The following PACS1 variants were observed in gnomAD, a reference collection of about 807,000 sequenced individuals.
PACS1 encodes phosphofurin acidic cluster sorting protein 1.
PACS1 carries 24 observed loss-of-function variants against 115.0 expected under a neutral mutation model. The observed-to-expected ratio is 0.21, with a 90% confidence interval of 0.15 to 0.29. PACS1 has a LOEUF of 0.29. Ranked by LOEUF, PACS1 falls within the 10% of genes least tolerant of loss-of-function variation. The probability of loss-of-function intolerance (pLI) is 1.00; values close to 1 mark genes in which losing one functional copy is unlikely to be tolerated. For synonymous variants in PACS1, 453 were observed against 504.5 expected, an observed-to-expected ratio of 0.90 and a Z score of 1.37; for missense variants, 838 against 1,251.2, an observed-to-expected ratio of 0.67 and a Z score of 4.98.
intron 1 of PACS1, chr11:66,120,924 T>G: frequency 4.6e-6 from 2 of 437,272 alleles, no homozygotes; most frequent in South Asian, 3.1e-5. Context: ...CCCAGCCCTG[T>G]GCTTCCACAG....
intron 4 of PACS1, 49 bp downstream of exon 4, chr11:66,211,308 C>G: frequency 1.9e-6 from 3 of 1,601,114 alleles, no homozygotes; most frequent in Non-Finnish European, 2.6e-6. Flanking sequence ...TCACAGAGCC[C>G]AAGGGACACC....
chr11:66,239,416 A>G (rs1221514454), intron 21 of PACS1, 139 bp downstream of exon 21: 3 of 1,001,186 alleles, frequency 3.0e-6, no homozygotes, highest in East Asian at 2.8e-5. Context: ...CTAGCTACTC[A>G]GGCTGAGGCA....
At chr11:66,134,898 T>G (rs1425593130) in intron 1 of PACS1, among the ~76,000 whole-genome samples, 1 of 152,174 alleles carries the variant, frequency 6.6e-6, no homozygotes, top group Non-Finnish European at 1.5e-5. Context: ...TCCTTATTTA[T>G]TGCTCTCTTA....
chr11:66,200,206 C>T (rs528631327), intron 2 of PACS1, among the ~76,000 whole-genome samples: 10 of 152,046 alleles, frequency 6.6e-5, no homozygotes, highest in African/African-American at 2.4e-4. Flanking sequence ...GAAAAATTAG[C>T]TGGATGTGGT....
At chr11:66,146,541 T>A (rs1859127946) in intron 1 of PACS1, among the ~76,000 whole-genome samples, 1 of 152,008 alleles carries the variant, frequency 6.6e-6, no homozygotes, top group Non-Finnish European at 1.5e-5. Flanking sequence ...GAACAGAGCC[T>A]CAGAGATCTG....
intron 11 of PACS1, 51 bp downstream of exon 11, chr11:66,227,635 C>T (rs1194744220): frequency 4.1e-6 from 5 of 1,228,040 alleles, no homozygotes; most frequent in Non-Finnish European, 5.8e-6. Context: ...GTGTTTGTCC[C>T]TTTAGAAATA....
intron 10 of PACS1, among the ~76,000 whole-genome samples, chr11:66,227,272 G>A (rs1157413072): frequency 6.6e-6 from 1 of 152,122 alleles, no homozygotes; most frequent in African/African-American, 2.4e-5. Context: ...CAGAATTTCT[G>A]GGTTCTGAAT....
At chr11:66,180,619 C>T (rs982050586) in intron 1 of PACS1, among the ~76,000 whole-genome samples, 18 of 152,226 alleles carry the variant, frequency 1.2e-4, no homozygotes, top group African/African-American at 4.3e-4. Flanking sequence ...TCCCAAAGTG[C>T]TGGAATTACA....
At chr11:66,132,469 A>G (rs967773557) in intron 1 of PACS1, among the ~76,000 whole-genome samples, 2 of 152,174 alleles carry the variant, frequency 1.3e-5, no homozygotes, top group Non-Finnish European at 2.9e-5. Context: ...AGTTCCTTAT[A>G]TAGTGACACT....
At chr11:66,133,125 C>G (rs1858739908) in intron 1 of PACS1, among the ~76,000 whole-genome samples, 1 of 152,202 alleles carries the variant, frequency 6.6e-6, no homozygotes, top group African/African-American at 2.4e-5. Context: ...TCAGCAAGTT[C>G]TATACATTCT....
intron 1 of PACS1, among the ~76,000 whole-genome samples, chr11:66,153,564 G>A (rs1407574606): frequency 3.9e-5 from 6 of 152,168 alleles, no homozygotes; most frequent in Non-Finnish European, 8.8e-5. Context: ...GGCGGATCAC[G>A]AAATTGGGAG....
intron 1 of PACS1, among the ~76,000 whole-genome samples, chr11:66,159,126 T>C (rs1462192338): frequency 1.3e-5 from 2 of 151,914 alleles, no homozygotes; most frequent in African/African-American, 4.8e-5. Context: ...AAATCAAGAG[T>C]GAAAAATGTT....
At chr11:66,126,147 C>T (rs1858567073) in intron 1 of PACS1, among the ~76,000 whole-genome samples, 1 of 151,934 alleles carries the variant, frequency 6.6e-6, no homozygotes. Context: ...TGGGATTTTG[C>T]TTCTCATGCT....
At chr11:66,237,013 G>A (rs139324339) in intron 19 of PACS1, among the ~76,000 whole-genome samples, 2 of 152,314 alleles carry the variant, frequency 1.3e-5, no homozygotes, top group African/African-American at 4.8e-5. Flanking sequence ...CCGCCTCCCA[G>A]GTTCAAGTGA....
At chr11:66,106,844 T>C (rs1265459907) in intron 1 of PACS1, among the ~76,000 whole-genome samples, 1 of 152,200 alleles carries the variant, frequency 6.6e-6, no homozygotes, top group African/African-American at 2.4e-5. Flanking sequence ...TTCCGAAGGT[T>C]GTGTGGTGAG....
chr11:66,117,826 CAA>C (rs755973306), intron 1 of PACS1, among the ~76,000 whole-genome samples: 9 of 150,904 alleles, frequency 6.0e-5, no homozygotes, highest in Non-Finnish European at 1.0e-4. Context: ...GCCTGGGCAA[CAA>C]GAGTGAAATG....
At chr11:66,234,840 C>A (rs1438773246) in intron 17 of PACS1, among the ~76,000 whole-genome samples, 1 of 151,952 alleles carries the variant, frequency 6.6e-6, no homozygotes, top group African/African-American at 2.4e-5. Flanking sequence ...CCACTGCACT[C>A]CAGCTGGGGC....
intron 4 of PACS1, among the ~76,000 whole-genome samples, chr11:66,214,351 G>A (rs749365640): frequency 4.6e-5 from 7 of 152,142 alleles, no homozygotes; most frequent in Non-Finnish European, 1.0e-4. Context: ...ATTCCCTGTA[G>A]ACTGGGCTCC....
intron 2 of PACS1, among the ~76,000 whole-genome samples, chr11:66,196,577 A>G (rs1854655457): frequency 6.6e-6 from 1 of 152,248 alleles, no homozygotes; most frequent in African/African-American, 2.4e-5. Context: ...AGGGAAAACA[A>G]CTTAATATTG....
Sources: gnomAD v4.1 joint callset for allele counts (sites outside exome capture counted in the v4.1 genomes callset) on GRCh38, gnomAD v4.1.1 for gene constraint, MANE v1.5 for transcripts, NCBI Gene and HGNC (gene_info 2026-07-23, HGNC 2026-07-21) for gene names.